The following PEX5 variants were observed in gnomAD, a reference collection of about 807,000 sequenced individuals.
The protein encoded by PEX5 is PTS1 receptor.
A neutral mutation model predicts 82.9 loss-of-function variants in PEX5; 52 were observed. That is an observed-to-expected ratio of 0.63 (90% CI 0.50 to 0.79). PEX5 has a LOEUF of 0.79. PEX5 is among the 30% of genes least tolerant of loss of function. The pLI, the probability that PEX5 is intolerant of heterozygous loss-of-function variation, is 0.00. For missense variants in PEX5, 719 were observed against 815.2 expected, an observed-to-expected ratio of 0.88 and a Z score of 1.44; for synonymous variants, 300 against 318.8, an observed-to-expected ratio of 0.94 and a Z score of 0.63.
intron 6 of PEX5, among the ~76,000 whole-genome samples, chr12:7,199,910 G>A (rs1348101851): frequency 1.1e-4 from 9 of 84,374 alleles, no homozygotes; most frequent in Non-Finnish European, 1.4e-4. Context: ...CGGACGGGGC[G>A]GCTGGCCGGG....
chr12:7,189,986 G>A (rs1348511804), intron 1 of PEX5: 3 of 1,501,658 alleles, frequency 2.0e-6, no homozygotes, highest in Non-Finnish European at 2.6e-6. Flanking sequence ...GCTAGGTATG[G>A]TCGGGCTGTT....
At chr12:7,190,194 C>A in intron 1 of PEX5, 168 bp from the exon 2 acceptor site, 1 of 1,544,022 alleles carries the variant, frequency 6.5e-7, no homozygotes, top group Admixed American at 1.9e-5. Flanking sequence ...AGAGTACCGA[C>A]CTCCCTCGAA....
At chr12:7,189,930 G>T in intron 1 of PEX5, 180 bp downstream of exon 1, 1 of 1,466,510 alleles carries the variant, frequency 6.8e-7, no homozygotes, top group Non-Finnish European at 8.9e-7. Context: ...CTTAAGGGGA[G>T]GGAATGCTCC....
intron 5 of PEX5, among the ~76,000 whole-genome samples, chr12:7,195,126 T>A (rs1422831325): frequency 6.6e-6 from 1 of 152,188 alleles, no homozygotes; most frequent in Non-Finnish European, 1.5e-5. Flanking sequence ...CACAGAAACT[T>A]TCATGAGTAA....
At chr12:7,217,421 T>C (rs1945811142) in intron 17 of PEX5, among the ~76,000 whole-genome samples, 1 of 152,226 alleles carries the variant, frequency 6.6e-6, no homozygotes, top group Non-Finnish European at 1.5e-5. Flanking sequence ...CCTGCCGTCA[T>C]TTGATGCCTC....
At chr12:7,216,037 G>T (rs988061721), downstream of PEX5, among the ~76,000 whole-genome samples, 7 of 151,922 alleles carry the variant, frequency 4.6e-5, no homozygotes, top group African/African-American at 1.5e-4. Context: ...GCACGATCTC[G>T]GCTCACTGCA....
Position 7,203,484 on chromosome 12 carries a change from A to G in PEX5, c.899A>G (p.Lys300Arg). 1.2e-6 allele frequency: 2 copies of G among 1,613,962 alleles called. No homozygotes were observed. The highest frequency in any genetic ancestry group is 1.1e-5 in the South Asian group (1 of 91,044). The change falls in exon 10 of 16, where the codon AAA becomes AGA. Residue 300 changes from lysine to arginine, a missense_variant. Transcript: ENST00000675855. Reference sequence around the variant, plus strand: ...CAGGCAGAGTTGGAGGAGATGGCAAAACGGGATGCTGAGGCCCACCCCTGG... The same window carrying G: ...CAGGCAGAGTTGGAGGAGATGGCAAGACGGGATGCTGAGGCCCACCCCTGG... ...KLQAELEEMAKRDAEAHPWLS... is the reference protein window; with the variant it reads ...KLQAELEEMARRDAEAHPWLS...
At chr12:7,196,448 AATT>A (rs1240844344) in intron 5 of PEX5, among the ~76,000 whole-genome samples, 2 of 138,894 alleles carry the variant, frequency 1.4e-5, no homozygotes, top group Non-Finnish European at 1.5e-5. Flanking sequence ...ATAATGTAAT[AATT>A]ATGTGTCATA....
At position 7,199,409 on chromosome 12, in the gene PEX5, A is replaced by T. The variant is rs188217734; in HGVS notation, c.551+296A>T. On this transcript the variant is annotated intron_variant, in intron 6 of 15. Coordinates refer to ENST00000675855, the MANE Select transcript of PEX5 (RefSeq NM_001351132.2). ...AGATTAGGGAGTGGTGATGACTCTT[A>T]AAGAGCATGCTGCCTTCAAGCATCT... Among the ~76,000 whole-genome samples the T allele has an allele frequency of 0.092, 13,527 of 147,520 alleles. 891 individuals are homozygous for T. Among genetic ancestry groups the T allele is most frequent in the Middle Eastern group, 0.17 (51 of 292 alleles).
intron 10 of PEX5, among the ~76,000 whole-genome samples, chr12:7,205,386 A>G (rs917675503): frequency 1.3e-5 from 2 of 152,252 alleles, no homozygotes; most frequent in East Asian, 3.8e-4. Context: ...TGATTGTTAC[A>G]TAAATTCATG....
At chr12:7,198,029 C>G (rs1006774115) in intron 5 of PEX5, among the ~76,000 whole-genome samples, 6 of 151,884 alleles carry the variant, frequency 4.0e-5, no homozygotes, top group Admixed American at 1.3e-4. Flanking sequence ...CTTTAGTGCC[C>G]GCAGTCAGTC....
Position 7,203,429 on chromosome 12 carries a change from C to G in PEX5, c.847-3C>G. ...TTTTCTATCTGCTTTCCCTTCCTTA[C>G]AGTCTGATGTCGATTTCTGGGACAA... is the stretch of plus-strand genomic sequence containing the variant. On this transcript the variant is annotated splice_polypyrimidine_tract_variant and splice_region_variant and intron_variant, in intron 9 of 15. Coordinates refer to ENST00000675855, the MANE Select transcript of PEX5 (RefSeq NM_001351132.2). 6.2e-7 allele frequency: 1 copy of G among 1,612,750 alleles called. No homozygotes were observed. Among genetic ancestry groups the G allele is most frequent in the Non-Finnish European group, 8.5e-7 (1 of 1,179,528 alleles).
chr12:7,201,593 C>T, intron 6 of PEX5, 158 bp from the exon 7 acceptor site: 1 of 699,022 alleles, frequency 1.4e-6, no homozygotes, highest in Non-Finnish European at 2.6e-6. Context: ...CACTCCTGCC[C>T]AAATGTCCTT....
At chr12:7,212,628 G>A (rs1001931967), downstream of PEX5, 1 of 152,124 alleles carries the variant, frequency 6.6e-6, no homozygotes, top group Admixed American at 6.5e-5. Flanking sequence ...TGAGAAAAAT[G>A]GTTGGTCAAT....
At chr12:7,192,566 C>T (rs1941347619) in intron 5 of PEX5, among the ~76,000 whole-genome samples, 1 of 152,132 alleles carries the variant, frequency 6.6e-6, no homozygotes, top group South Asian at 2.1e-4. Flanking sequence ...CTTCAGCTTT[C>T]CTCTTCCTGA....
chr12:7,216,170 A>G (rs1945773280), downstream of PEX5, among the ~76,000 whole-genome samples: 1 of 152,022 alleles, frequency 6.6e-6, no homozygotes, highest in Non-Finnish European at 1.5e-5. Context: ...GTTTCACCAC[A>G]TTGGCCAGGC....
intron 5 of PEX5, among the ~76,000 whole-genome samples, chr12:7,193,474 TC>T (rs1565676765): frequency 6.6e-6 from 1 of 152,040 alleles, no homozygotes; most frequent in East Asian, 1.9e-4. Flanking sequence ...CCTTAAGTAA[TC>T]CACCACAGCC....
In PEX5 at chr12:7,206,383, C is replaced by A. The variant is rs193095893; in HGVS notation, c.967-1276C>A. On this transcript the variant is annotated intron_variant, in intron 10 of 15. Coordinates refer to ENST00000675855, the MANE Select transcript of PEX5 (RefSeq NM_001351132.2). ...CTTATGTCTGGCTGCTTTCGCACTA[C>A]AACAGTAGAGGTGAGTAGTTGCAGC... Among the ~76,000 whole-genome samples the A allele has an allele frequency of 3.2e-4, 49 of 152,348 alleles. No individual in the cohort carries two copies. In the East Asian group the frequency reaches 8.7e-3, roughly 27 times the overall value.
At chr12:7,212,192 C>A (rs942212176), downstream of PEX5, among the ~76,000 whole-genome samples, 1 of 151,594 alleles carries the variant, frequency 6.6e-6, no homozygotes, top group Non-Finnish European at 1.5e-5. Flanking sequence ...CTCGAACGCC[C>A]GACCTCAGGC....
Sources: gnomAD v4.1 joint callset for allele counts (sites outside exome capture counted in the v4.1 genomes callset) on GRCh38, gnomAD v4.1.1 for gene constraint, MANE v1.5 for transcripts, NCBI Gene and HGNC (gene_info 2026-07-23, HGNC 2026-07-21) for gene names.